Variants in NAPEPLD observed in about 807,000 individuals in gnomAD.
NAPEPLD encodes the protein N-acyl-phosphatidylethanolamine-hydrolyzing phospholipase D.
NAPEPLD carries 23 observed loss-of-function variants against 38.1 expected under a neutral mutation model. That is an observed-to-expected ratio of 0.60 (90% CI 0.43 to 0.86). The LOEUF is 0.86. NAPEPLD is among the 40% of genes least tolerant of loss of function. The pLI, the probability that NAPEPLD is intolerant of heterozygous loss-of-function variation, is 0.00. For synonymous variants in NAPEPLD, 147 were observed against 162.0 expected, an observed-to-expected ratio of 0.91 and a Z score of 0.71; for missense variants, 411 against 476.8, an observed-to-expected ratio of 0.86 and a Z score of 1.28.
intron 2 of NAPEPLD, among the ~76,000 whole-genome samples, chr7:103,122,377 A>C (rs2129529213): frequency 6.6e-6 from 1 of 152,234 alleles, no homozygotes; most frequent in Admixed American, 6.5e-5. Flanking sequence ...GTGTCACAAC[A>C]GTTGCCAAGA....
At chr7:103,128,416 G>A in intron 2 of NAPEPLD, 67 bp downstream of exon 2, 2 of 1,551,198 alleles carry the variant, frequency 1.3e-6, no homozygotes, top group South Asian at 1.2e-5. Flanking sequence ...GATATACAAG[G>A]GCTCAAATAA....
rs1443927694 is a variant in NAPEPLD, at chr7:103,115,075, A to G, written c.1041T>C (p.Phe347=). ...KKSMAIHWGT[F]ALANEHYLEP... is the part of the protein sequence containing the mutation. ...TCAAACTTACCTCATTTGCTAAGGC[A>G]AAAGTTCCCCAGTGAATTGCCATAG... is the stretch of plus-strand genomic sequence containing the variant. The change falls in exon 4 of 5, where the codon TTT becomes TTC. Residue 347 remains phenylalanine, a synonymous_variant. Coordinates refer to ENST00000465647, the MANE Select transcript of NAPEPLD (RefSeq NM_001122838.3). The G allele has an allele frequency of 6.2e-7, 1 of 1,613,280 alleles. No individual in the cohort carries two copies. Among genetic ancestry groups the G allele is most frequent in the Non-Finnish European group, 8.5e-7 (1 of 1,179,744 alleles).
intron 2 of NAPEPLD, among the ~76,000 whole-genome samples, chr7:103,123,198 A>G (rs1368851675): frequency 3.3e-5 from 5 of 152,120 alleles, no homozygotes; most frequent in African/African-American, 1.2e-4. Flanking sequence ...CTCAACTTCC[A>G]TATCTCCCTA....
chr7:103,104,385 C>T (rs2078274463), intron 4 of NAPEPLD, among the ~76,000 whole-genome samples: 1 of 152,118 alleles, frequency 6.6e-6, no homozygotes, highest in South Asian at 2.1e-4. Context: ...AGAAGAGGTC[C>T]GTGGACTGAC....
intron 1 of NAPEPLD, chr7:103,141,240 GTTTTTTTT>G (rs869065614): frequency 4.1e-3 from 42 of 10,262 alleles, no homozygotes; most frequent in African/African-American, 8.3e-3. Context: ...CTGTGGAGTT[GTTTTTTTT>G]TTTTTTTTTT....
upstream of NAPEPLD, chr7:103,149,385 A>T (rs1813277048): frequency 8.5e-7 from 1 of 1,170,560 alleles, no homozygotes; most frequent in Non-Finnish European, 1.1e-6. Context: ...CGACCGCGGC[A>T]GGCGCTCGGG....
At chr7:103,115,619 G>A (rs1333489716) in intron 3 of NAPEPLD, among the ~76,000 whole-genome samples, 1 of 152,164 alleles carries the variant, frequency 6.6e-6, no homozygotes, top group Non-Finnish European at 1.5e-5. Flanking sequence ...CCCCAAAATT[G>A]AGGCTTAGCC....
intron 1 of NAPEPLD, among the ~76,000 whole-genome samples, chr7:103,135,539 T>C (rs577060507): frequency 3.3e-4 from 51 of 152,298 alleles, no homozygotes; most frequent in Non-Finnish European, 6.5e-4. Flanking sequence ...AAAAAAGTAT[T>C]GCACTGTTAT....
intron 1 of NAPEPLD, among the ~76,000 whole-genome samples, chr7:103,141,169 T>C (rs1811223004): frequency 6.7e-6 from 1 of 149,344 alleles, no homozygotes; most frequent in African/African-American, 2.5e-5. Flanking sequence ...AAATCCTCCC[T>C]AGATCATTTC....
In NAPEPLD at chr7:103,102,518, T is replaced by G. The variant is rs962017368; in HGVS notation, c.*911A>C. 2 of 151,902 alleles carry G rather than the reference T, an allele frequency of 1.3e-5. No individual in the cohort carries two copies. Among genetic ancestry groups the G allele is most frequent in the African/African-American group, 4.8e-5 (2 of 41,346 alleles). 9.4% of individuals were successfully genotyped at this position (151,902 alleles called of 1,614,324 possible). On this transcript the variant is annotated 3_prime_UTR_variant, in exon 5 of 5. Transcript: ENST00000465647. The stretch of plus-strand genomic sequence containing the variant: ...ACCCGGCTTTTTCTTTTTTCTTTTT[T>G]TTTTTCCGAGAGAGACGGGAGGTCA...
chr7:103,102,371 T>C lies in NAPEPLD; in HGVS notation c.*1058A>G, dbSNP rs1404125807. On this transcript the variant is annotated 3_prime_UTR_variant, in exon 5 of 5. Coordinates refer to ENST00000465647, the MANE Select transcript of NAPEPLD (RefSeq NM_001122838.3). ...TTTCTTTTGAGACAGGGTCTCATTT[T>C]GTCGCCCAGGCTGGAGTGCAGTGGT... 6.6e-6 allele frequency: 1 copy of C among 152,308 alleles called. No individual in the cohort carries two copies. Among genetic ancestry groups the C allele is most frequent in the Non-Finnish European group, 1.5e-5 (1 of 68,104 alleles). 9.4% of individuals were successfully genotyped at this position (152,308 alleles called of 1,614,324 possible). A position where few individuals can be genotyped will look rare whatever the true frequency, so the allele number is the denominator to read the frequency against.
intron 1 of NAPEPLD, among the ~76,000 whole-genome samples, chr7:103,140,935 A>G (rs1032303204): frequency 1.3e-5 from 2 of 152,144 alleles, no homozygotes; most frequent in African/African-American, 4.8e-5. Context: ...TTTTGCTCAA[A>G]GGAAAAATTT....
At chr7:103,129,534 TATACA>T (rs1476106667) in intron 1 of NAPEPLD, among the ~76,000 whole-genome samples, 1 of 152,196 alleles carries the variant, frequency 6.6e-6, no homozygotes, top group East Asian at 1.9e-4. Context: ...AAGTCGAATA[TATACA>T]CCACTAGGCT....
At chr7:103,134,615 C>T (rs1274589124) in intron 1 of NAPEPLD, among the ~76,000 whole-genome samples, 4 of 151,650 alleles carry the variant, frequency 2.6e-5, no homozygotes, top group Non-Finnish European at 2.9e-5. Context: ...CCAGCCTGAG[C>T]GACAGAGTGA....
At chr7:103,105,250 C>G (rs1012939919) in intron 4 of NAPEPLD, among the ~76,000 whole-genome samples, 2 of 152,140 alleles carry the variant, frequency 1.3e-5, no homozygotes, top group Admixed American at 6.6e-5. Context: ...AGCAAAACAG[C>G]AGATCAGAGA....
intron 3 of NAPEPLD, among the ~76,000 whole-genome samples, chr7:103,115,744 C>A (rs1805438798): frequency 6.6e-6 from 1 of 152,134 alleles, no homozygotes; most frequent in South Asian, 2.1e-4. Flanking sequence ...AAGTTATAGG[C>A]AGTAAGTGCA....
At chr7:103,126,782 ATTT>A (rs61285914) in intron 2 of NAPEPLD, 34,457 of 79,534 alleles carry the variant, frequency 0.43, 5,958 homozygotes, top group East Asian at 0.69. Context: ...AATTTTTTGT[ATTT>A]TTTTTTTTTT....
chr7:103,133,961 TAATA>T (rs576662303), intron 1 of NAPEPLD, among the ~76,000 whole-genome samples: 6 of 152,136 alleles, frequency 3.9e-5, no homozygotes, highest in Non-Finnish European at 8.8e-5. Flanking sequence ...AACAAATAAG[TAATA>T]AATAAATAAA....
At chr7:103,125,492 C>T (rs188072278) in intron 2 of NAPEPLD, among the ~76,000 whole-genome samples, 10 of 152,204 alleles carry the variant, frequency 6.6e-5, no homozygotes, top group Non-Finnish European at 1.5e-4. Flanking sequence ...TGAATGGTTG[C>T]AATCAGAGTA....
Sources: gnomAD v4.1 joint callset for allele counts (sites outside exome capture counted in the v4.1 genomes callset) on GRCh38, gnomAD v4.1.1 for gene constraint, MANE v1.5 for transcripts, NCBI Gene and HGNC (gene_info 2026-07-23, HGNC 2026-07-21) for gene names.